LTBP4: variants seen among roughly 807,000 people sequenced by gnomAD.
LTBP4 encodes latent transforming growth factor beta binding protein 4.
In LTBP4, 93 loss-of-function variants were observed where a neutral mutation model predicts 180.2. The observed-to-expected ratio is 0.52, with a 90% CI of 0.44 to 0.61. The LOEUF (loss-of-function observed/expected upper bound fraction) is 0.61, where lower values mean the gene tolerates loss of function less well. Among genes scored for constraint, LTBP4 ranks in the 20% least tolerant of loss-of-function variants. The pLI, the probability that LTBP4 is intolerant of heterozygous loss-of-function variation, is 0.00. For synonymous variants in LTBP4, 947 were observed against 934.5 expected, an observed-to-expected ratio of 1.01 and a Z score of -0.24; for missense variants, 2,116 against 2,256.5, an observed-to-expected ratio of 0.94 and a Z score of 1.26.
Position 40,613,195 on chromosome 19 carries a change from A to T in LTBP4, c.2430A>T (p.Ala810=). 1.9e-6 allele frequency: 3 copies of T among 1,565,408 alleles called. No individual in the cohort carries two copies. The highest frequency in any genetic ancestry group is 2.6e-6 in the Non-Finnish European group (3 of 1,155,092). The change falls in exon 16 of 30, where the codon GCA becomes GCT. Residue 810 remains alanine, a splice_region_variant and synonymous_variant. Coordinates refer to ENST00000396819, the MANE Select transcript of LTBP4 (RefSeq NM_001042545.2). The surrounding 1 kb of genome is among the most constrained non-coding windows in gnomAD (Gnocchi z 5.0). The part of the protein sequence containing the change: ...RAPSGRPGPC[A]DVNECLEGDF... ...CGTCGGGTCGGCCCGGGCCCTGCGC[A>T]GGTGAGCAGCATAGGGACCCGCCAG...
Position 40,605,374 on chromosome 19 carries a change from A to T in LTBP4, c.443-31A>T. The T allele has an allele frequency of 6.2e-7, 1 of 1,610,840 alleles. No individual in the cohort carries two copies. The highest frequency in any genetic ancestry group is 8.5e-7 in the Non-Finnish European group (1 of 1,178,566). On this transcript the variant is annotated intron_variant, in intron 2 of 29. Transcript: ENST00000396819. The surrounding 1 kb of genome is among the most constrained non-coding windows in gnomAD (Gnocchi z 5.5). ...CCCCACCCCGTAAGAACCCGTGTAGACATCCGTTTGCCCGGCCGTGCCTCC... is the reference window on the plus strand; with the variant it reads ...CCCCACCCCGTAAGAACCCGTGTAGTCATCCGTTTGCCCGGCCGTGCCTCC...
At chr19:40,625,037 C>T (rs774510797) in intron 26 of LTBP4, among the ~76,000 whole-genome samples, 19 of 150,664 alleles carry the variant, frequency 1.3e-4, no homozygotes, top group Non-Finnish European at 2.1e-4. Context: ...CCCCTAACAA[C>T]TTCTGCTGAA....
upstream of LTBP4, chr19:40,599,861 T>C: frequency 2.0e-6 from 1 of 509,534 alleles, no homozygotes; most frequent in South Asian, 3.4e-5. Context: ...GCCCCTTCTC[T>C]CTTTCTCTCC....
At chr19:40,628,053 G>A (rs1426976919) in intron 29 of LTBP4, among the ~76,000 whole-genome samples, 196 bp downstream of exon 29, 2 of 152,264 alleles carry the variant, frequency 1.3e-5, no homozygotes, top group African/African-American at 4.8e-5. Flanking sequence ...GGTGCCAGCA[G>A]GGCAGGGCTT....
chr19:40,626,983 G>T lies in LTBP4; in HGVS notation c.3994G>T (p.Glu1332Ter). 1.9e-6 allele frequency: 3 copies of T among 1,554,780 alleles called. No individual in the cohort carries two copies. The highest frequency in any genetic ancestry group is 2.6e-6 in the Non-Finnish European group (3 of 1,146,620). ...LCPAQDSDDFEALCNVLRPPA... is the reference protein window; with the variant it reads ...LCPAQDSDDF Reference sequence around the variant, plus strand: ...TTGGCTCCTGTTCCCAGATGACTTCGAGGCCCTGTGCAATGTGCTACGCCC... The same window carrying T: ...TTGGCTCCTGTTCCCAGATGACTTCTAGGCCCTGTGCAATGTGCTACGCCC... Residue 1332 changes from glutamate to a stop codon, truncating the protein, a stop_gained, in exon 28 of 30, where the codon GAG (glutamate) becomes TAG (stop). Coordinates refer to ENST00000396819, the MANE Select transcript of LTBP4 (RefSeq NM_001042545.2). LOFTEE classifies it high-confidence loss of function.
intron 26 of LTBP4, among the ~76,000 whole-genome samples, chr19:40,624,386 A>G (rs1371348652): frequency 6.6e-6 from 1 of 152,156 alleles, no homozygotes; most frequent in Non-Finnish European, 1.5e-5. Context: ...GAGGAATTTT[A>G]TTTAATTTTA....
rs2081486444 is a variant in LTBP4 at position 40,609,162 on chromosome 19, C to T, written c.1427-368C>T. Among the ~76,000 whole-genome samples the T allele has an allele frequency of 6.6e-6, 1 of 152,026 alleles. No homozygotes were observed. Among genetic ancestry groups the T allele is most frequent in the Non-Finnish European group, 1.5e-5 (1 of 68,016 alleles). On this transcript the variant is annotated intron_variant, in intron 9 of 29. Coordinates refer to ENST00000396819, the MANE Select transcript of LTBP4 (RefSeq NM_001042545.2). The surrounding 1 kb of genome is among the most constrained non-coding windows in gnomAD (Gnocchi z 4.9). ...TAAAATGGGGATGGTTGTTGAGATG[C>T]CTCTGAAGTGTCTGACACCTAGTAA...
Position 40,605,685 on chromosome 19 carries a change from C to T in LTBP4, c.690+33C>T. 6.5e-7 allele frequency: 1 copy of T among 1,547,240 alleles called. No individual in the cohort carries two copies. The highest frequency in any genetic ancestry group is 8.7e-7 in the Non-Finnish European group (1 of 1,146,702). On this transcript the variant is annotated intron_variant, in intron 3 of 29. Coordinates refer to ENST00000396819, the MANE Select transcript of LTBP4 (RefSeq NM_001042545.2). The surrounding 1 kb of genome is among the most constrained non-coding windows in gnomAD (Gnocchi z 5.5). ...GAGGCCCGTGGGGAGGGGCCCGGAG[C>T]TTGCCTCCGCGCGGGGGCGCGCTCA...
intron 19 of LTBP4, among the ~76,000 whole-genome samples, chr19:40,614,884 T>A (rs2081535896): frequency 6.6e-6 from 1 of 152,148 alleles, no homozygotes; most frequent in Non-Finnish European, 1.5e-5. Flanking sequence ...CCGGTGGCCC[T>A]AGGCCCCATT....
At chr19:40,606,379 A>G (rs1303444718) in intron 5 of LTBP4, 25 bp from the exon 6 acceptor site, 1 of 1,606,668 alleles carries the variant, frequency 6.2e-7, no homozygotes, top group Non-Finnish European at 8.5e-7. Flanking sequence ...TCCTGACTCC[A>G]CGGTGACCTC....
intron 19 of LTBP4, among the ~76,000 whole-genome samples, chr19:40,615,947 A>T (rs1285831926): frequency 1.3e-5 from 2 of 152,210 alleles, no homozygotes; most frequent in Non-Finnish European, 2.9e-5. Flanking sequence ...AAAGCAAGAC[A>T]AATGGGACAG....
intron 1 of LTBP4, 94 bp from the exon 2 acceptor site, chr19:40,604,941 G>C (rs1234572119): frequency 8.6e-7 from 1 of 1,160,930 alleles, no homozygotes; most frequent in South Asian, 1.5e-5. Context: ...AGGGCGGAGC[G>C]ACTTAGAAAT....
Position 40,606,389 on chromosome 19 carries a change from C to T in LTBP4, c.869-15C>T, listed in dbSNP as rs751955387. 2 of 1,607,116 alleles carry T rather than the reference C, an allele frequency of 1.2e-6. No homozygotes were observed. The highest frequency in any genetic ancestry group is 2.2e-5 in the East Asian group (1 of 44,604). ...CAAGTTCCTGACTCCACGGTGACCT[C>T]CCCAACCCTGGCAGATGTGGATGAG... On this transcript the variant is annotated splice_polypyrimidine_tract_variant and intron_variant, in intron 5 of 29. Transcript: ENST00000396819.
At chr19:40,598,656 C>T (rs1167408923), upstream of LTBP4, 1 of 161,956 alleles carries the variant, frequency 6.2e-6, no homozygotes, top group Non-Finnish European at 1.4e-5. Flanking sequence ...CTCTGGGATT[C>T]TCAGTCCTGG....
chr19:40,593,222 C>T, intron 1 of LTBP4: 1 of 1,611,660 alleles, frequency 6.2e-7, no homozygotes, highest in Non-Finnish European at 8.5e-7. Context: ...AATAGCTGTG[C>T]ACCTCAAACC....
intron 22 of LTBP4, among the ~76,000 whole-genome samples, chr19:40,620,248 G>GTTT (rs67252351): frequency 9.7e-4 from 144 of 148,266 alleles, no homozygotes; most frequent in African/African-American, 2.9e-3. Context: ...TTTTTTAAAT[G>GTTT]TTTTTTTTTT....
At chr19:40,606,738 C>A (rs1008942930) in intron 6 of LTBP4, among the ~76,000 whole-genome samples, 1 of 152,176 alleles carries the variant, frequency 6.6e-6, no homozygotes, top group Non-Finnish European at 1.5e-5. Flanking sequence ...GATCCAGATC[C>A]CTCCAGACTC....
chr19:40,610,508 C>T, intron 11 of LTBP4, 24 bp from the exon 12 acceptor site: 1 of 1,579,454 alleles, frequency 6.3e-7, no homozygotes, highest in Non-Finnish European at 8.6e-7. Flanking sequence ...GCCCCAGTCC[C>T]AGCCGCCTGG....
At position 40,608,504 on chromosome 19, in the gene LTBP4, C is replaced by T. The variant is rs776281107; in HGVS notation, c.1327C>T (p.Leu443=). The change falls in exon 9 of 30, where the codon CTG becomes TTG. Residue 443 remains leucine (L), a synonymous_variant. Coordinates refer to ENST00000396819, the MANE Select transcript of LTBP4 (RefSeq NM_001042545.2). ...PSAGFLPTHR[L]EPRPEPRPDP... ...ATCAGGCTTTCTGCCCACCCATCGCCTGGAGCCCCGGCCTGAACCCCGGCC... is the reference window on the plus strand; with the variant it reads ...ATCAGGCTTTCTGCCCACCCATCGCTTGGAGCCCCGGCCTGAACCCCGGCC... The T allele has an allele frequency of 5.0e-6, 8 of 1,605,626 alleles. No homozygotes were observed. In the African/African-American group the frequency reaches 1.1e-4, roughly 21 times the overall value.
Sources: allele counts gnomAD v4.1 joint callset (sites outside exome capture counted in the v4.1 genomes callset), GRCh38; gene constraint gnomAD v4.1.1; non-coding constraint Gnocchi (gnomAD v3.1); transcripts MANE v1.5; gene names NCBI Gene and HGNC (gene_info 2026-07-23, HGNC 2026-07-21).